CNTNAP2: variants seen among roughly 807,000 people sequenced by gnomAD.
CNTNAP2 encodes the protein contactin-associated protein-like 2.
A neutral mutation model predicts 155.2 loss-of-function variants in CNTNAP2; 98 were observed. That is an observed-to-expected ratio of 0.63 (90% CI 0.54 to 0.75). The LOEUF is 0.75. CNTNAP2 is among the 30% of genes least tolerant of loss of function. The probability of loss-of-function intolerance (pLI) is 0.00; values close to 1 mark genes in which losing one functional copy is unlikely to be tolerated. For missense variants in CNTNAP2, 1,727 were observed against 1,688.1 expected (o/e 1.02, Z -0.40); for synonymous variants, 651 against 631.2 (o/e 1.03, Z -0.47).
Position 147,470,396 on chromosome 7 carries a change from G to T in CNTNAP2, c.1671-15539G>T, listed in dbSNP as rs535270826. ...CAGTAGAGATGGTAGCTATGATAGT[G>T]TCTTGGATGAGAGTAATAGCAGTAG... On this transcript the variant is annotated intron_variant, in intron 10 of 23. Coordinates refer to ENST00000361727, the MANE Select transcript of CNTNAP2 (RefSeq NM_014141.6). Among the ~76,000 whole-genome samples, 6 of 150,872 alleles carry T rather than the reference G, an allele frequency of 4.0e-5. No homozygotes were observed. The South Asian group carries it at 8.4e-4, about 21-fold the overall frequency.
At chr7:147,073,122 CTTTTT>C (rs59033495) in intron 4 of CNTNAP2, among the ~76,000 whole-genome samples, 1 of 142,194 alleles carries the variant, frequency 7.0e-6, no homozygotes, top group Non-Finnish European at 1.5e-5. Flanking sequence ...AAAGCCTTTT[CTTTTT>C]TTTTTTTTTT....
intron 2 of CNTNAP2, among the ~76,000 whole-genome samples, chr7:146,837,119 A>C (rs374885112): frequency 1.3e-5 from 2 of 152,216 alleles, no homozygotes; most frequent in East Asian, 3.9e-4. Context: ...TATATATTTC[A>C]ACCATTATTT....
At chr7:147,084,479 T>C (rs1348332154) in intron 4 of CNTNAP2, among the ~76,000 whole-genome samples, 1 of 142,868 alleles carries the variant, frequency 7.0e-6, no homozygotes, top group Non-Finnish European at 1.5e-5. Context: ...TATATACACA[T>C]ATATGCACAT....
At position 147,509,675 on chromosome 7, in the gene CNTNAP2, A is replaced by G. The variant is rs151265424; in HGVS notation, c.1777+23634A>G. Among the ~76,000 whole-genome samples, 50 of 152,226 alleles carry G rather than the reference A, an allele frequency of 3.3e-4. No individual in the cohort carries two copies. The East Asian group carries it at 9.7e-3, about 30-fold the overall frequency. On this transcript the variant is annotated intron_variant, in intron 11 of 23. Coordinates refer to ENST00000361727, the MANE Select transcript of CNTNAP2 (RefSeq NM_014141.6). ...TGGCTTACATATAGTTGTAAAAAGAAAGACTAGGTTCCCCAGTTAAAGAAA... is the reference window on the plus strand; with the variant it reads ...TGGCTTACATATAGTTGTAAAAAGAGAGACTAGGTTCCCCAGTTAAAGAAA...
At chr7:147,093,647 T>C in intron 4 of CNTNAP2, among the ~76,000 whole-genome samples, 1 of 152,100 alleles carries the variant, frequency 6.6e-6, no homozygotes, top group Non-Finnish European at 1.5e-5. Flanking sequence ...TTCACACAAT[T>C]CTCACACACA....
chr7:147,373,211 A>T lies in CNTNAP2; in HGVS notation c.1499-22398A>T, dbSNP rs533148526. ...TAGAGGGGCCTCACTGAGAAAAGGTAAAGAATTTCCCGTTTTAACCCATGA... is the reference window on the plus strand; with the variant it reads ...TAGAGGGGCCTCACTGAGAAAAGGTTAAGAATTTCCCGTTTTAACCCATGA... On this transcript the variant is annotated intron_variant, in intron 9 of 23. Transcript: ENST00000361727. Among the ~76,000 whole-genome samples the T allele has an allele frequency of 2.6e-5, 4 of 152,210 alleles. No individual in the cohort carries two copies. In the East Asian group the frequency reaches 7.7e-4, roughly 29 times the overall value.
chr7:148,143,218 C>A (rs543645968), intron 16 of CNTNAP2, among the ~76,000 whole-genome samples: 3 of 152,174 alleles, frequency 2.0e-5, no homozygotes, highest in Admixed American at 6.5e-5. Context: ...ATAATCCTCA[C>A]TTTGGACCTC....
At chr7:148,026,581 A>C (rs1156953668) in intron 15 of CNTNAP2, among the ~76,000 whole-genome samples, 2 of 152,332 alleles carry the variant, frequency 1.3e-5, no homozygotes, top group African/African-American at 4.8e-5. Flanking sequence ...AGAGTAAGTC[A>C]GATTCTTGAT....
chr7:147,168,698 C>G (rs1391221269), intron 8 of CNTNAP2, among the ~76,000 whole-genome samples: 2 of 152,120 alleles, frequency 1.3e-5, no homozygotes, highest in Middle Eastern at 3.4e-3. Flanking sequence ...TATACATGTT[C>G]TATACTTAAA....
At chr7:147,590,361 A>G (rs950338810) in intron 12 of CNTNAP2, among the ~76,000 whole-genome samples, 3 of 152,160 alleles carry the variant, frequency 2.0e-5, no homozygotes, top group African/African-American at 7.2e-5. Context: ...AGATAATTGA[A>G]TCATGGGGGC....
At chr7:147,124,876 C>CTTTTTTTTTTTTT (rs371912854) in intron 6 of CNTNAP2, among the ~76,000 whole-genome samples, 2 of 80,068 alleles carry the variant, frequency 2.5e-5, no homozygotes, top group Non-Finnish European at 2.1e-5. Context: ...CCTTTTTTTC[C>CTTTTTTTTTTTTT]TTTTTTTTTT....
intron 4 of CNTNAP2, among the ~76,000 whole-genome samples, chr7:147,047,127 G>A (rs1446738951): frequency 4.5e-5 from 1 of 22,416 alleles, no homozygotes; most frequent in African/African-American, 1.9e-4. Context: ...TTTTTTTTTT[G>A]AGACGTAGTC....
In CNTNAP2 at chr7:146,483,305, A is replaced by G. The variant is rs1343411322; in HGVS notation, c.98-290966A>G. Among the ~76,000 whole-genome samples, 201 of 84,168 alleles carry G rather than the reference A, an allele frequency of 2.4e-3. 2 individuals are homozygous for G. Among genetic ancestry groups the G allele is most frequent in the Non-Finnish European group, 3.7e-3 (162 of 43,226 alleles). 55.2% of individuals were successfully genotyped at this position (84,168 alleles called of 152,430 possible). ...AAAATATATATATATATATATATAT[A>G]TATATATATATATATATATATATAC... On this transcript the variant is annotated intron_variant, in intron 1 of 23. Coordinates refer to ENST00000361727, the MANE Select transcript of CNTNAP2 (RefSeq NM_014141.6).
At chr7:148,102,192 C>T (rs1363550411) in intron 15 of CNTNAP2, among the ~76,000 whole-genome samples, 1 of 152,178 alleles carries the variant, frequency 6.6e-6, no homozygotes, top group Non-Finnish European at 1.5e-5. Flanking sequence ...CCTGTGTTCT[C>T]ATCATTTAAC....
At chr7:146,800,558 G>T (rs73459310) in intron 2 of CNTNAP2, among the ~76,000 whole-genome samples, 3,735 of 152,252 alleles carry the variant, frequency 0.025, 169 homozygotes, top group African/African-American at 0.087. Flanking sequence ...AAATATGCAG[G>T]TTGTTCAAAG....
chr7:148,199,147 G>A (rs965219669), intron 18 of CNTNAP2, among the ~76,000 whole-genome samples: 8 of 152,118 alleles, frequency 5.3e-5, no homozygotes, highest in African/African-American at 1.9e-4. Context: ...GATCACTCTG[G>A]CTAAATTAAT....
chr7:146,910,868 A>G (rs1467172118), intron 3 of CNTNAP2, among the ~76,000 whole-genome samples: 1 of 150,702 alleles, frequency 6.6e-6, no homozygotes, highest in Non-Finnish European at 1.5e-5. Flanking sequence ...GTGAACAGGC[A>G]ACCTACAAAA....
chr7:147,413,593 T>G (rs1337059825), intron 10 of CNTNAP2, among the ~76,000 whole-genome samples: 3 of 152,156 alleles, frequency 2.0e-5, no homozygotes, highest in African/African-American at 7.2e-5. Context: ...TAAATCAATA[T>G]TTTTTTGAGA....
At chr7:146,715,548 G>A (rs895312276) in intron 1 of CNTNAP2, among the ~76,000 whole-genome samples, 1 of 152,008 alleles carries the variant, frequency 6.6e-6, no homozygotes, top group Non-Finnish European at 1.5e-5. Flanking sequence ...TTTGTATACA[G>A]TTTCAGCAGC....
Sources: allele counts gnomAD v4.1 joint callset (sites outside exome capture counted in the v4.1 genomes callset), GRCh38; gene constraint gnomAD v4.1.1; transcripts MANE v1.5; gene names NCBI Gene and HGNC (gene_info 2026-07-23, HGNC 2026-07-21).